VWC2L: variants seen among roughly 807,000 people sequenced by gnomAD.
The protein encoded by VWC2L is von Willebrand factor C domain containing 2 like.
VWC2L carries 10 observed loss-of-function variants against 21.6 expected under a neutral mutation model. That is an observed-to-expected ratio of 0.46 (90% CI 0.29 to 0.78). VWC2L has a LOEUF of 0.78. VWC2L is among the 30% of genes least tolerant of loss of function. The pLI, the probability that VWC2L is intolerant of heterozygous loss-of-function variation, is 0.10. For synonymous variants in VWC2L, 96 were observed against 94.3 expected, an observed-to-expected ratio of 1.02 and a Z score of -0.10; for missense variants, 209 against 277.1, an observed-to-expected ratio of 0.75 and a Z score of 1.74.
chr2:214,487,641 G>C (rs1217551795), intron 3 of VWC2L, among the ~76,000 whole-genome samples: 1 of 152,108 alleles, frequency 6.6e-6, no homozygotes, highest in East Asian at 1.9e-4. Context: ...AAGACAATGG[G>C]CCTTCCATGA....
At chr2:214,464,866 C>T (rs1369312898) in intron 3 of VWC2L, among the ~76,000 whole-genome samples, 2 of 152,034 alleles carry the variant, frequency 1.3e-5, no homozygotes, top group East Asian at 1.9e-4. Flanking sequence ...GAGTCCTTTC[C>T]ACTTTTCCCT....
intron 3 of VWC2L, among the ~76,000 whole-genome samples, chr2:214,490,644 C>T (rs1688733358): frequency 6.6e-6 from 1 of 152,060 alleles, no homozygotes. Context: ...GGGAAACAGG[C>T]CCCAGCTGAA....
chr2:214,502,457 C>T (rs547921119), intron 3 of VWC2L, among the ~76,000 whole-genome samples: 1 of 152,196 alleles, frequency 6.6e-6, no homozygotes, highest in Non-Finnish European at 1.5e-5. Flanking sequence ...GTAGCCCCTG[C>T]TACTTGGGAG....
chr2:214,524,685 T>C (rs1689299673), intron 3 of VWC2L, among the ~76,000 whole-genome samples: 1 of 152,138 alleles, frequency 6.6e-6, no homozygotes, highest in African/African-American at 2.4e-5. Flanking sequence ...AGAACGTAAT[T>C]ACAGCTGAGT....
At chr2:214,556,353 G>T (rs916138740) in intron 3 of VWC2L, among the ~76,000 whole-genome samples, 3 of 152,162 alleles carry the variant, frequency 2.0e-5, no homozygotes, top group African/African-American at 7.2e-5. Context: ...TTGCATTATG[G>T]ACTTCAAGGA....
At chr2:214,462,164 G>T (rs995576666) in intron 3 of VWC2L, among the ~76,000 whole-genome samples, 1 of 152,160 alleles carries the variant, frequency 6.6e-6, no homozygotes, top group African/African-American at 2.4e-5. Flanking sequence ...GTTTTGGCAG[G>T]TGTGTGAAAC....
Position 214,574,824 on chromosome 2 carries a change from G to A in VWC2L, c.521-848G>A, listed in dbSNP as rs575601953. Among the ~76,000 whole-genome samples, 15 of 151,904 alleles carry A rather than the reference G, an allele frequency of 9.9e-5. No individual in the cohort carries two copies. The South Asian group carries it at 1.2e-3, about 13-fold the overall frequency. ...TAACACTGAACACTGATATTCCTAC[G>A]TTGGGAAGGTCAAAAAATGCAAGAA... is the stretch of plus-strand genomic sequence containing the variant. On this transcript the variant is annotated intron_variant, in intron 3 of 3. Coordinates refer to ENST00000312504, the MANE Select transcript of VWC2L (RefSeq NM_001080500.4).
chr2:214,554,560 G>A (rs543591031), intron 3 of VWC2L, among the ~76,000 whole-genome samples: 1 of 152,262 alleles, frequency 6.6e-6, no homozygotes, highest in East Asian at 1.9e-4. Context: ...CTACTCAGGA[G>A]GCTGAGGCAG....
intron 3 of VWC2L, among the ~76,000 whole-genome samples, chr2:214,487,360 G>A (rs1004945876): frequency 1.1e-4 from 16 of 151,898 alleles, no homozygotes; most frequent in African/African-American, 2.2e-4. Context: ...CCTACTGTGC[G>A]CCAAGCTCTG....
chr2:214,569,976 A>G (rs1232280281), intron 3 of VWC2L, among the ~76,000 whole-genome samples: 1 of 132,244 alleles, frequency 7.6e-6, no homozygotes, highest in African/African-American at 3.6e-5. Context: ...TTCAGGGCTT[A>G]CCAGGAAAAA....
intron 3 of VWC2L, among the ~76,000 whole-genome samples, chr2:214,516,235 T>C (rs1689141029): frequency 6.6e-6 from 1 of 152,002 alleles, no homozygotes; most frequent in South Asian, 2.1e-4. Flanking sequence ...GATCAACACA[T>C]CACTCTTCTC....
chr2:214,466,044 C>T (rs534637232), intron 3 of VWC2L, among the ~76,000 whole-genome samples: 1 of 152,240 alleles, frequency 6.6e-6, no homozygotes, highest in East Asian at 1.9e-4. Flanking sequence ...GCTGTCTTTC[C>T]TACCTCTTCA....
chr2:214,531,816 T>C lies in VWC2L; in HGVS notation c.521-43856T>C, dbSNP rs1232721842. Among the ~76,000 whole-genome samples the C allele has an allele frequency of 5.3e-5, 8 of 152,216 alleles. No homozygotes were observed. In the South Asian group the frequency reaches 6.2e-4, roughly 12 times the overall value. Reference sequence around the variant, plus strand: ...ATGCTTGCGTTTCAGGTTTCCAGAGTTGTCTTAGCTATCATAATTTTTCAA... The same window carrying C: ...ATGCTTGCGTTTCAGGTTTCCAGAGCTGTCTTAGCTATCATAATTTTTCAA... On this transcript the variant is annotated intron_variant, in intron 3 of 3. Coordinates refer to ENST00000312504, the MANE Select transcript of VWC2L (RefSeq NM_001080500.4).
In VWC2L at chr2:214,577,052, AG is replaced by A. The variant is rs1248596544; in HGVS notation, c.*1233del. On this transcript the variant is annotated 3_prime_UTR_variant, in exon 4 of 4. Coordinates refer to ENST00000312504, the MANE Select transcript of VWC2L (RefSeq NM_001080500.4). ...CTGGTAATGCTGCTAGTATAGTAAC[AG>A]AAAAAACAAAACACACAGGGTATCT... 12 of 152,208 alleles carry A rather than the reference AG, an allele frequency of 7.9e-5. No individual in the cohort carries two copies. The highest frequency in any genetic ancestry group is 8.8e-5 in the Non-Finnish European group (6 of 68,036). 9.4% of individuals were successfully genotyped at this position (152,208 alleles called of 1,614,324 possible). A position where few individuals can be genotyped will look rare whatever the true frequency, so the allele number is the denominator to read the frequency against.
intron 3 of VWC2L, among the ~76,000 whole-genome samples, chr2:214,561,817 C>CAT (rs1362033549): frequency 1.8e-5 from 2 of 110,280 alleles, no homozygotes; most frequent in African/African-American, 8.4e-5. Context: ...TATACACACA[C>CAT]ATATATAATT....
At chr2:214,441,839 G>A (rs1426016201) in intron 3 of VWC2L, among the ~76,000 whole-genome samples, 1 of 150,812 alleles carries the variant, frequency 6.6e-6, no homozygotes, top group Non-Finnish European at 1.5e-5. Context: ...TATCTAATGT[G>A]TACATTTTAT....
chr2:214,568,469 T>C (rs1189008787), intron 3 of VWC2L, among the ~76,000 whole-genome samples: 1 of 152,180 alleles, frequency 6.6e-6, no homozygotes, highest in African/African-American at 2.4e-5. Context: ...CTAGGTAATG[T>C]AAAAAGGAAA....
At chr2:214,418,875 A>G (rs1574554129) in intron 2 of VWC2L, among the ~76,000 whole-genome samples, 1 of 152,122 alleles carries the variant, frequency 6.6e-6, no homozygotes, top group African/African-American at 2.4e-5. Context: ...TCCTGCCTTT[A>G]CTTTCTTCCT....
At chr2:214,463,658 A>T in intron 3 of VWC2L, among the ~76,000 whole-genome samples, 1 of 151,990 alleles carries the variant, frequency 6.6e-6, no homozygotes. Context: ...ATATTGTATG[A>T]TTCTATATTT....
Sources: allele counts gnomAD v4.1 joint callset (sites outside exome capture counted in the v4.1 genomes callset), GRCh38; gene constraint gnomAD v4.1.1; transcripts MANE v1.5; gene names NCBI Gene and HGNC (gene_info 2026-07-23, HGNC 2026-07-21).